The following PICALM variants were observed in gnomAD, a reference collection of about 807,000 sequenced individuals.
PICALM encodes phosphatidylinositol binding clathrin assembly protein.
A neutral mutation model predicts 80.5 loss-of-function variants in PICALM; 40 were observed. The ratio of observed to expected loss-of-function variants is 0.50; its 90% CI spans 0.39 to 0.65. The LOEUF is 0.65. Ranked by LOEUF, PICALM falls within the 30% of genes least tolerant of loss-of-function variation. The pLI, the probability that PICALM is intolerant of heterozygous loss-of-function variation, is 0.00. For synonymous variants in PICALM, 288 were observed against 260.3 expected, an observed-to-expected ratio of 1.11 and a Z score of -1.02; for missense variants, 676 against 778.9, an observed-to-expected ratio of 0.87 and a Z score of 1.57.
At chr11:86,044,439 C>G (rs1002202254) in intron 1 of PICALM, among the ~76,000 whole-genome samples, 3 of 152,186 alleles carry the variant, frequency 2.0e-5, no homozygotes, top group Non-Finnish European at 4.4e-5. Context: ...CAAACGGGAT[C>G]GTCTCTTGGT....
intron 1 of PICALM, among the ~76,000 whole-genome samples, chr11:86,068,392 G>A (rs1361933855): frequency 1.3e-5 from 2 of 152,156 alleles, no homozygotes; most frequent in Non-Finnish European, 2.9e-5. Context: ...GTGTGGTAGC[G>A]CACCGGGCAG....
chr11:86,050,055 A>T (rs192060800), intron 1 of PICALM, among the ~76,000 whole-genome samples: 120 of 151,718 alleles, frequency 7.9e-4, no homozygotes, highest in African/African-American at 2.9e-3. Flanking sequence ...AAATACAAAA[A>T]TTAGCCAGGC....
rs1400704556 is a variant in PICALM at position 85,958,671 on chromosome 11, G to T, written c.*375C>A. ...CCCAAAAGAGTCCTGTTGAAATACA[G>T]TAAAGGACACAGTTCTTCTCTCCAG... On this transcript the variant is annotated 3_prime_UTR_variant, in exon 20 of 20. Coordinates refer to ENST00000393346, the MANE Select transcript of PICALM (RefSeq NM_007166.4). 4.0e-6 allele frequency: 1 copy of T among 250,672 alleles called. No homozygotes were observed. The highest frequency in any genetic ancestry group is 2.2e-5 in the African/African-American group (1 of 45,922). The allele number at this position is 250,672 out of a possible 1,614,324, so 15.5% of individuals were successfully genotyped here. A position where few individuals can be genotyped will look rare whatever the true frequency, so the allele number is the denominator to read the frequency against.
chr11:86,003,224 GA>G, intron 9 of PICALM, 141 bp downstream of exon 9: 1 of 496,704 alleles, frequency 2.0e-6, no homozygotes, highest in Non-Finnish European at 3.7e-6. Context: ...CTAATTCTAT[GA>G]GGCTGATATT....
At chr11:85,988,945 C>T (rs932779649) in intron 13 of PICALM, among the ~76,000 whole-genome samples, 1 of 152,212 alleles carries the variant, frequency 6.6e-6, no homozygotes, top group Admixed American at 6.5e-5. Context: ...TGTGGTTTTA[C>T]AGCTAAGAAA....
chr11:86,056,142 A>AAAAAAAAG (rs1338898474), intron 1 of PICALM, among the ~76,000 whole-genome samples: 15 of 147,332 alleles, frequency 1.0e-4, no homozygotes, highest in Non-Finnish European at 1.5e-4. Context: ...CTTTAAAAAA[A>AAAAAAAAG]AAAAAAAAGA....
rs113468454 is a variant in PICALM at position 86,049,827 on chromosome 11, TA to T, written c.131-18217del. On this transcript the variant is annotated intron_variant, in intron 1 of 19. Coordinates refer to ENST00000393346, the MANE Select transcript of PICALM (RefSeq NM_007166.4). ...TGAAGGTAGATGAACTTAGAGAAGT[TA>T]AAAAAAAAAAAAGGTACCAACAATT... Among the ~76,000 whole-genome samples, 950 of 140,134 alleles carry T rather than the reference TA, an allele frequency of 6.8e-3. 2 individuals are homozygous for T. Among genetic ancestry groups the T allele is most frequent in the African/African-American group, 9.9e-3 (380 of 38,418 alleles). 91.9% of individuals were successfully genotyped at this position (140,134 alleles called of 152,430 possible).
At chr11:85,979,204 G>A (rs777632543) in intron 17 of PICALM, among the ~76,000 whole-genome samples, 5 of 152,098 alleles carry the variant, frequency 3.3e-5, no homozygotes, top group Non-Finnish European at 7.4e-5. Flanking sequence ...AATCAGTGAT[G>A]ATAGGCTGGG....
chr11:85,982,231 C>G, intron 14 of PICALM: 1 of 460,150 alleles, frequency 2.2e-6, no homozygotes, highest in Non-Finnish European at 4.0e-6. Context: ...TATCTCATGA[C>G]AAAATTACAT....
intron 7 of PICALM, among the ~76,000 whole-genome samples, chr11:86,008,710 A>T (rs1342549601): frequency 6.6e-6 from 1 of 152,164 alleles, no homozygotes; most frequent in Non-Finnish European, 1.5e-5. Flanking sequence ...ACATGTTTCA[A>T]GAGGTTACTC....
rs146259169 is a variant in PICALM at position 85,992,842 on chromosome 11, T to C, written c.1259-2443A>G. On this transcript the variant is annotated intron_variant, in intron 12 of 19. Coordinates refer to ENST00000393346, the MANE Select transcript of PICALM (RefSeq NM_007166.4). ...AGCACCTAATTTCAATCACTTCCTA[T>C]TACGTGAAACACCTTAGAGAAGAAT... is the stretch of plus-strand genomic sequence containing the variant. Among the ~76,000 whole-genome samples the C allele has an allele frequency of 1.5e-3, 233 of 152,318 alleles. 1 individual carries two copies. The East Asian group carries it at 0.033, about 21-fold the overall frequency.
At chr11:86,011,798 A>G (rs2136286078) in intron 6 of PICALM, among the ~76,000 whole-genome samples, 1 of 151,610 alleles carries the variant, frequency 6.6e-6, no homozygotes, top group East Asian at 1.9e-4. Flanking sequence ...TTTTTTTCCC[A>G]TCTTTTTTTA....
In PICALM at chr11:86,003,436, G is replaced by A. The variant is rs933816074; in HGVS notation, c.823C>T (p.Leu275Phe). 1 of 1,597,222 alleles carries A rather than the reference G, an allele frequency of 6.3e-7. No individual in the cohort carries two copies. The highest frequency in any genetic ancestry group is 8.6e-7 in the Non-Finnish European group (1 of 1,167,758). The change falls in exon 9 of 20, where the codon CTT becomes TTT. Residue 275 changes from leucine (L) to phenylalanine (F), a missense_variant. Transcript: ENST00000393346. The part of the protein sequence containing the change: ...PDLSQAPSSL[L>F]DALEQHLASL... ...GCTAAATGTTGTTCCAAAGCATCAAGAAGACTGCTAGGGGCCTGCAATTGT... is the reference window on the plus strand; with the variant it reads ...GCTAAATGTTGTTCCAAAGCATCAAAAAGACTGCTAGGGGCCTGCAATTGT...
At chr11:86,052,053 G>T (rs189778189) in intron 1 of PICALM, among the ~76,000 whole-genome samples, 8 of 152,278 alleles carry the variant, frequency 5.3e-5, no homozygotes, top group African/African-American at 4.8e-5. Flanking sequence ...CAACTGAAAC[G>T]GTTTGGCTCT....
rs561052540 is a variant in PICALM at position 86,023,827 on chromosome 11, G to C, written c.350-1358C>G. On this transcript the variant is annotated intron_variant, in intron 3 of 19. Transcript: ENST00000393346. The stretch of plus-strand genomic sequence containing the variant: ...TATCTATAATATATATCTGGCTTCT[G>C]TTTAAGATTTCAAAAAGAGGCCAGG... Among the ~76,000 whole-genome samples, 3 of 152,236 alleles carry C rather than the reference G, an allele frequency of 2.0e-5. No individual in the cohort carries two copies. In the South Asian group the frequency reaches 6.2e-4, roughly 32 times the overall value.
chr11:86,015,954 C>T (rs914823214), intron 4 of PICALM, among the ~76,000 whole-genome samples: 5 of 152,186 alleles, frequency 3.3e-5, no homozygotes, highest in South Asian at 2.1e-4. Flanking sequence ...AGTTTAATAA[C>T]CAAATACTAG....
At chr11:86,055,123 T>TA (rs2096249760) in intron 1 of PICALM, among the ~76,000 whole-genome samples, 1 of 151,792 alleles carries the variant, frequency 6.6e-6, no homozygotes, top group Non-Finnish European at 1.5e-5. Context: ...CTGAGGTCAG[T>TA]AGTTTGAGAC....
At chr11:86,004,677 T>A (rs2095239958) in intron 8 of PICALM, among the ~76,000 whole-genome samples, 1 of 152,100 alleles carries the variant, frequency 6.6e-6, no homozygotes, top group African/African-American at 2.4e-5. Context: ...CCCTAAATAT[T>A]CTATAGGATT....
intron 13 of PICALM, among the ~76,000 whole-genome samples, chr11:85,987,218 T>C (rs1245876951): frequency 1.3e-5 from 2 of 152,180 alleles, no homozygotes; most frequent in Non-Finnish European, 1.5e-5. Flanking sequence ...CCCTATGACA[T>C]AGTTATTATT....
Sources: allele counts gnomAD v4.1 joint callset (sites outside exome capture counted in the v4.1 genomes callset), GRCh38; gene constraint gnomAD v4.1.1; transcripts MANE v1.5; gene names NCBI Gene and HGNC (gene_info 2026-07-23, HGNC 2026-07-21).